Variants in VPS8 observed in about 807,000 individuals in gnomAD.
VPS8 encodes the protein VPS8 subunit of CORVET complex.
Under a neutral mutation model 216.4 loss-of-function variants are expected in VPS8, and 129 were observed. The observed-to-expected ratio is 0.60, with a 90% CI of 0.52 to 0.69. The LOEUF is 0.69. Among genes scored for constraint, VPS8 ranks in the 30% least tolerant of loss-of-function variants. The pLI is 0.00. For missense variants in VPS8, 1,531 were observed against 1,683.5 expected, an observed-to-expected ratio of 0.91 and a Z score of 1.59; for synonymous variants, 571 against 565.4, an observed-to-expected ratio of 1.01 and a Z score of -0.14.
chr3:185,039,612 C>G, intron 46 of VPS8, among the ~76,000 whole-genome samples: 1 of 152,000 alleles, frequency 6.6e-6, no homozygotes, highest in South Asian at 2.1e-4. Context: ...TCTCCCTATG[C>G]TGGCTTTAAG....
At chr3:184,938,280 C>G (rs1741995189) in intron 35 of VPS8, among the ~76,000 whole-genome samples, 1 of 152,224 alleles carries the variant, frequency 6.6e-6, no homozygotes, top group African/African-American at 2.4e-5. Context: ...GAAAAAGACT[C>G]ACCGATTAAT....
chr3:184,910,044 G>A lies in VPS8; in HGVS notation c.2147-3475G>A, dbSNP rs553189753. Among the ~76,000 whole-genome samples the A allele has an allele frequency of 5.3e-5, 8 of 151,670 alleles. No individual in the cohort carries two copies. In the South Asian group the frequency reaches 1.0e-3, roughly 20 times the overall value. ...GATCTGCTTTGATTCTGATCCACAC[G>A]CATGGGTCAGGGGTCAGACAGTGAT... On this transcript the variant is annotated intron_variant, in intron 25 of 47. Transcript: ENST00000625842.
intron 46 of VPS8, among the ~76,000 whole-genome samples, chr3:185,034,645 C>G (rs1352768633): frequency 7.0e-6 from 1 of 141,868 alleles, no homozygotes; most frequent in Admixed American, 7.4e-5. Context: ...TGTTGTTGTT[C>G]TGTGTGTATT....
intron 29 of VPS8, chr3:184,922,428 G>A (rs1470535840): frequency 8.8e-6 from 4 of 454,398 alleles, no homozygotes; most frequent in Non-Finnish European, 1.8e-5. Context: ...CATTGTTTTA[G>A]CATGCCTAGA....
intron 46 of VPS8, among the ~76,000 whole-genome samples, chr3:185,045,950 C>T (rs1005431918): frequency 2.0e-5 from 3 of 152,156 alleles, no homozygotes; most frequent in African/African-American, 4.8e-5. Context: ...ATCAGGACCT[C>T]GTTTTCCACA....
At position 184,962,934 on chromosome 3, in the gene VPS8, C is replaced by T. The variant is rs1391991589; in HGVS notation, c.3184-1534C>T. 2.6e-5 allele frequency among the ~76,000 whole-genome samples: 4 copies of T among 152,208 alleles called. No homozygotes were observed. The East Asian group carries it at 7.7e-4, about 29-fold the overall frequency. ...ACATGATGGCCAGTGGTCCATGTGG[C>T]ATTTTATTATCCATTCCTCACTGAT... On this transcript the variant is annotated intron_variant, in intron 37 of 47. Coordinates refer to ENST00000625842, the MANE Select transcript of VPS8 (RefSeq NM_001009921.3).
At chr3:184,936,722 A>G (rs1436162380) in intron 35 of VPS8, among the ~76,000 whole-genome samples, 1 of 151,610 alleles carries the variant, frequency 6.6e-6, no homozygotes, top group Non-Finnish European at 1.5e-5. Flanking sequence ...CTTTTGCTGT[A>G]GGATCCACAA....
At chr3:184,944,768 G>A (rs1036523131) in intron 36 of VPS8, among the ~76,000 whole-genome samples, 1 of 152,112 alleles carries the variant, frequency 6.6e-6, no homozygotes, top group Non-Finnish European at 1.5e-5. Flanking sequence ...AGTAAAAATT[G>A]AACATTGTTA....
At chr3:184,852,024 A>T (rs985504830) in intron 10 of VPS8, among the ~76,000 whole-genome samples, 2 of 152,326 alleles carry the variant, frequency 1.3e-5, no homozygotes, top group South Asian at 2.1e-4. Context: ...AAAAGTTAAA[A>T]TGTTTTAGAT....
intron 11 of VPS8, among the ~76,000 whole-genome samples, chr3:184,853,245 A>G (rs553473373): frequency 1.3e-5 from 2 of 152,298 alleles, no homozygotes; most frequent in South Asian, 4.1e-4. Context: ...GAGAACTTAC[A>G]TTCTAGCTGC....
chr3:184,841,078 T>G (rs1423686500), intron 7 of VPS8, among the ~76,000 whole-genome samples: 1 of 152,200 alleles, frequency 6.6e-6, no homozygotes, highest in Admixed American at 6.5e-5. Flanking sequence ...AAGAGTTTTA[T>G]TGTTTGGGGA....
intron 2 of VPS8, among the ~76,000 whole-genome samples, 159 bp from the exon 3 acceptor site, chr3:184,826,004 T>C (rs1252838200): frequency 6.6e-6 from 1 of 152,016 alleles, no homozygotes; most frequent in East Asian, 1.9e-4. Flanking sequence ...AGGAAACCAC[T>C]CTGTAGTCTT....
At chr3:184,977,214 G>A (rs79384173) in intron 40 of VPS8, among the ~76,000 whole-genome samples, 4,526 of 152,166 alleles carry the variant, frequency 0.03, 212 homozygotes, top group African/African-American at 0.1. Context: ...TTAGTGATGC[G>A]TAGCATTTTT....
At chr3:184,829,955 A>G (rs902158355) in intron 3 of VPS8, among the ~76,000 whole-genome samples, 1 of 152,108 alleles carries the variant, frequency 6.6e-6, no homozygotes, top group Non-Finnish European at 1.5e-5. Context: ...CTTTCTGTAC[A>G]TTACCTTTTC....
chr3:184,961,430 A>G (rs1746486977), intron 37 of VPS8, among the ~76,000 whole-genome samples: 1 of 152,206 alleles, frequency 6.6e-6, no homozygotes, highest in Non-Finnish European at 1.5e-5. Flanking sequence ...CTGAATATCA[A>G]TTATGTATAT....
rs1024385945 is a variant in VPS8, at chr3:184,972,149, C to T, written c.3420+397C>T. Reference sequence around the variant, plus strand: ...TGTTTCCACTGCCCTCTCAGCCACCCGGGTTTAATTCAAGTGGATTTTAAT... The same window carrying T: ...TGTTTCCACTGCCCTCTCAGCCACCTGGGTTTAATTCAAGTGGATTTTAAT... On this transcript the variant is annotated intron_variant, in intron 40 of 47. Coordinates refer to ENST00000625842, the MANE Select transcript of VPS8 (RefSeq NM_001009921.3). Among the ~76,000 whole-genome samples, 6 of 151,880 alleles carry T rather than the reference C, an allele frequency of 4.0e-5. 1 individual carries two copies. The highest frequency in any genetic ancestry group is 3.4e-3 in the Middle Eastern group (1 of 292).
At chr3:185,012,672 AAAAG>A (rs917677965) in intron 45 of VPS8, among the ~76,000 whole-genome samples, 7 of 152,244 alleles carry the variant, frequency 4.6e-5, no homozygotes, top group Middle Eastern at 3.4e-3. Context: ...TTTAAAAAAA[AAAAG>A]AGGCCAGAAG....
intron 1 of VPS8, among the ~76,000 whole-genome samples, chr3:184,816,461 A>G (rs1205024024): frequency 6.6e-6 from 1 of 152,174 alleles, no homozygotes; most frequent in Non-Finnish European, 1.5e-5. Flanking sequence ...ATTCACCAAC[A>G]ACAGAAAGAG....
intron 22 of VPS8, among the ~76,000 whole-genome samples, chr3:184,888,149 G>A (rs1414181895): frequency 1.3e-5 from 2 of 151,910 alleles, no homozygotes; most frequent in East Asian, 1.9e-4. Flanking sequence ...CACCATGCCC[G>A]GCTAATTTTT....
Sources: allele counts gnomAD v4.1 joint callset (sites outside exome capture counted in the v4.1 genomes callset), GRCh38; gene constraint gnomAD v4.1.1; transcripts MANE v1.5; gene names NCBI Gene and HGNC (gene_info 2026-07-23, HGNC 2026-07-21).